N4BP1: variants seen among roughly 807,000 people sequenced by gnomAD.
The protein encoded by N4BP1 is NEDD4 binding protein 1.
In N4BP1, 21 loss-of-function variants were observed where a neutral mutation model predicts 70.9. The observed-to-expected ratio is 0.30, with a 90% CI of 0.21 to 0.43. The LOEUF is 0.43. N4BP1 is among the 20% of genes least tolerant of loss of function. The pLI, the probability that N4BP1 is intolerant of heterozygous loss-of-function variation, is 1.00. For missense variants in N4BP1, 936 were observed against 1,069.4 expected (o/e 0.88, Z 1.74); for synonymous variants, 387 against 394.6 (o/e 0.98, Z 0.23).
intron 5 of N4BP1, among the ~76,000 whole-genome samples, chr16:48,547,780 C>A (rs888024540): frequency 4.6e-5 from 7 of 152,172 alleles, no homozygotes; most frequent in African/African-American, 1.7e-4. Flanking sequence ...CAGAGCATGC[C>A]CACACTCATC....
rs146610658 is a variant in N4BP1 at position 48,550,730 on chromosome 16, C to G, written c.2117+656G>C. Among the ~76,000 whole-genome samples, 1,220 of 151,976 alleles carry G rather than the reference C, an allele frequency of 8.0e-3. 19 individuals carry two copies. Among genetic ancestry groups the G allele is most frequent in the African/African-American group, 0.029 (1,182 of 41,438 alleles). ...ACCACCCTGGCCAACATGGAAAAAC[C>G]CCGTCTCACTGCAACCTGCTAAACT... On this transcript the variant is annotated intron_variant, in intron 4 of 6. Coordinates refer to ENST00000262384, the MANE Select transcript of N4BP1 (RefSeq NM_153029.4).
At chr16:48,596,408 G>A (rs552440698) in intron 1 of N4BP1, among the ~76,000 whole-genome samples, 1 of 152,266 alleles carries the variant, frequency 6.6e-6, no homozygotes, top group South Asian at 2.1e-4. Context: ...TCAGACAGCT[G>A]CAAAGCAGTT....
chr16:48,591,483 T>C (rs945842295), intron 1 of N4BP1, among the ~76,000 whole-genome samples: 1 of 152,162 alleles, frequency 6.6e-6, no homozygotes, highest in Non-Finnish European at 1.5e-5. Context: ...AAGTTACCTG[T>C]GGCAAAGTTC....
At chr16:48,547,835 G>T (rs1240335730) in intron 5 of N4BP1, among the ~76,000 whole-genome samples, 172 bp downstream of exon 5, 1 of 152,220 alleles carries the variant, frequency 6.6e-6, no homozygotes, top group African/African-American at 2.4e-5. Flanking sequence ...CTTACCTGGA[G>T]GGGCCAGCCA....
At chr16:48,586,305 A>G (rs1964244549) in intron 1 of N4BP1, among the ~76,000 whole-genome samples, 1 of 152,254 alleles carries the variant, frequency 6.6e-6, no homozygotes, top group East Asian at 1.9e-4. Flanking sequence ...GCACACCACC[A>G]TGCTTAACTA....
chr16:48,567,182 AT>A (rs1357482637), intron 1 of N4BP1, among the ~76,000 whole-genome samples: 1 of 152,058 alleles, frequency 6.6e-6, no homozygotes, highest in African/African-American at 2.4e-5. Context: ...TGGAGTGTTG[AT>A]TTACATTTAA....
chr16:48,547,251 ATGTTT>A (rs1282130580), intron 5 of N4BP1, among the ~76,000 whole-genome samples: 1 of 152,154 alleles, frequency 6.6e-6, no homozygotes, highest in Admixed American at 6.5e-5. Context: ...TGCTTACTTT[ATGTTT>A]TAAGATTTCT....
In N4BP1 at chr16:48,599,824, C is replaced by T. The variant is rs1964470438; in HGVS notation, c.198+9951G>A. ...GAAAACTGTTACCTCTTCTTCCATC[C>T]TTCCTTCTTAAAGGCCTGATGGCTG... On this transcript the variant is annotated intron_variant, in intron 1 of 6. Transcript: ENST00000262384. 3.9e-5 allele frequency among the ~76,000 whole-genome samples: 6 copies of T among 152,158 alleles called. No individual in the cohort carries two copies. In the South Asian group the frequency reaches 1.2e-3, roughly 31 times the overall value.
rs527838158 is a variant in N4BP1, at chr16:48,610,001, G to A, written c.-29C>T. 1,360 of 1,133,510 alleles carry A rather than the reference G, an allele frequency of 1.2e-3. No homozygotes were observed. Among genetic ancestry groups the A allele is most frequent in the Non-Finnish European group, 1.3e-3 (1,228 of 924,578 alleles). The allele number at this position is 1,133,510 out of a possible 1,614,324, so 70.2% of individuals were successfully genotyped here. ...GGGCGCGGCCTCCCGCGGCGGCGCC[G>A]GGGGCCGGCGGCGGCGACGCCCCCT... On this transcript the variant is annotated 5_prime_UTR_variant, in exon 1 of 7. Transcript: ENST00000262384.
At chr16:48,594,519 T>A (rs1221148733) in intron 1 of N4BP1, among the ~76,000 whole-genome samples, 1 of 152,146 alleles carries the variant, frequency 6.6e-6, no homozygotes, top group African/African-American at 2.4e-5. Flanking sequence ...TACACCCAGC[T>A]AATTTTTGTA....
At chr16:48,609,524 C>A (rs1872653) in intron 1 of N4BP1, among the ~76,000 whole-genome samples, 2,970 of 152,330 alleles carry the variant, frequency 0.019, 96 homozygotes, top group South Asian at 0.12. Context: ...CACTTTCATC[C>A]TCGCGACAGC....
intron 1 of N4BP1, among the ~76,000 whole-genome samples, chr16:48,595,581 C>T (rs1376381414): frequency 7.2e-5 from 11 of 151,742 alleles, no homozygotes; most frequent in Non-Finnish European, 8.8e-5. Flanking sequence ...CCTGGTTTCT[C>T]CAGAATTTGG....
intron 1 of N4BP1, among the ~76,000 whole-genome samples, chr16:48,579,608 G>C (rs1964147857): frequency 6.6e-6 from 1 of 151,556 alleles, no homozygotes; most frequent in Admixed American, 6.6e-5. Context: ...TAAGATATTA[G>C]CCAATCTGTA....
chr16:48,587,072 C>T (rs1964256598), intron 1 of N4BP1: 1 of 152,220 alleles, frequency 6.6e-6, no homozygotes. Context: ...GTTATCCAGT[C>T]TTGTCATTAA....
chr16:48,568,962 C>T (rs1260453769), intron 1 of N4BP1, among the ~76,000 whole-genome samples: 1 of 152,200 alleles, frequency 6.6e-6, no homozygotes, highest in Non-Finnish European at 1.5e-5. Context: ...GCAGTTATTT[C>T]TTCAAATACT....
intron 4 of N4BP1, among the ~76,000 whole-genome samples, chr16:48,548,913 G>A (rs1963627912): frequency 6.6e-6 from 1 of 151,244 alleles, no homozygotes; most frequent in African/African-American, 2.4e-5. Flanking sequence ...TTGCCATTTT[G>A]TTTAGACTAA....
intron 1 of N4BP1, among the ~76,000 whole-genome samples, chr16:48,608,814 C>A (rs573366266): frequency 6.6e-6 from 1 of 151,128 alleles, no homozygotes; most frequent in East Asian, 1.9e-4. Context: ...TTATTAGAAG[C>A]CATAAGGGCT....
chr16:48,600,595 GGAAGA>G (rs1964480159), intron 1 of N4BP1: 1 of 559,082 alleles, frequency 1.8e-6, no homozygotes, highest in Non-Finnish European at 3.5e-6. Flanking sequence ...GGAAGCAGTT[GGAAGA>G]GAAAACAGTA....
intron 1 of N4BP1, chr16:48,600,786 C>G (rs1460359978): frequency 7.3e-6 from 2 of 274,534 alleles, no homozygotes; most frequent in Admixed American, 5.0e-5. Flanking sequence ...CTGCCATCTA[C>G]AAAACATCAG....
Sources: allele counts gnomAD v4.1 joint callset (sites outside exome capture counted in the v4.1 genomes callset), GRCh38; gene constraint gnomAD v4.1.1; transcripts MANE v1.5; gene names NCBI Gene and HGNC (gene_info 2026-07-23, HGNC 2026-07-21).